ATP2A3: variants seen among roughly 807,000 people sequenced by gnomAD.
ATP2A3 encodes sarcoplasmic/endoplasmic reticulum calcium ATPase 3.
A neutral mutation model predicts 106.8 loss-of-function variants in ATP2A3; 61 were observed. That is an observed-to-expected ratio of 0.57 (90% CI 0.46 to 0.71). The LOEUF (loss-of-function observed/expected upper bound fraction) is 0.71, where lower values mean the gene tolerates loss of function less well. Among genes scored for constraint, ATP2A3 ranks in the 30% least tolerant of loss-of-function variants. The pLI, the probability that ATP2A3 is intolerant of heterozygous loss-of-function variation, is 0.00. For missense variants in ATP2A3, 1,201 were observed against 1,423.5 expected, an observed-to-expected ratio of 0.84 and a Z score of 2.52; for synonymous variants, 611 against 609.3, an observed-to-expected ratio of 1.00 and a Z score of -0.04.
Position 3,925,458 on chromosome 17 carries a change from A to G in ATP2A3, c.2981-17T>C, listed in dbSNP as rs748448976. The G allele has an allele frequency of 3.1e-6, 5 of 1,611,408 alleles. No homozygotes were observed. Among genetic ancestry groups the G allele is most frequent in the Non-Finnish European group, 4.2e-6 (5 of 1,179,090 alleles). On this transcript the variant is annotated splice_polypyrimidine_tract_variant and intron_variant, in intron 20 of 20. Transcript: ENST00000397041. The surrounding 1 kb of genome is among the most constrained non-coding windows in gnomAD (Gnocchi z 4.2). ...TCATTTCTTCTGGAAGAAAAACCCA[A>G]GAGCGCGTTAAGATGTATGTGTAAG... is the stretch of plus-strand genomic sequence containing the variant.
intron 15 of ATP2A3, 185 bp downstream of exon 15, chr17:3,937,231 G>A (rs866328071): frequency 7.1e-6 from 5 of 707,758 alleles, no homozygotes; most frequent in Admixed American, 6.9e-5. Flanking sequence ...GGTCACCAGG[G>A]CCTCTGGAGA....
intron 12 of ATP2A3, 143 bp downstream of exon 12, chr17:3,942,463 A>C: frequency 9.7e-6 from 12 of 1,240,024 alleles, no homozygotes; most frequent in East Asian, 5.6e-5. Flanking sequence ...CCCCTACACC[A>C]CCGGTTAGAG....
Position 3,936,507 on chromosome 17 carries a change from A to T in ATP2A3, c.2322-38T>A, listed in dbSNP as rs926948333. 3.1e-6 allele frequency: 5 copies of T among 1,607,004 alleles called. No homozygotes were observed. In the African/African-American group the frequency reaches 6.7e-5, roughly 21 times the overall value. ...CATGAGCTCTAGCCCCGGTAGGCCTAGCCCCCGGCAGATGCAGGCTCCAGC... is the reference window on the plus strand; with the variant it reads ...CATGAGCTCTAGCCCCGGTAGGCCTTGCCCCCGGCAGATGCAGGCTCCAGC... On this transcript the variant is annotated intron_variant, in intron 15 of 20. Transcript: ENST00000397041. The surrounding 1 kb of genome is among the most constrained non-coding windows in gnomAD (Gnocchi z 5.4).
At chr17:3,945,628 G>T (rs368895557) in intron 8 of ATP2A3, among the ~76,000 whole-genome samples, 16 of 152,344 alleles carry the variant, frequency 1.1e-4, no homozygotes, top group African/African-American at 3.6e-4. Context: ...CTAGCCCAGA[G>T]ATGTCCCCAG....
At chr17:3,949,283 TGCTGGCCTCAGGCTACTGCGGGGCA>T (rs2054286830) in intron 7 of ATP2A3, among the ~76,000 whole-genome samples, 1 of 152,190 alleles carries the variant, frequency 6.6e-6, no homozygotes, top group Non-Finnish European at 1.5e-5. Flanking sequence ...AAACGCTCCT[TGCTGGCCTCAGGCTACTGCGGGGCA>T]GCTGTGAGTA....
At chr17:3,959,777 C>T (rs2055037677) in intron 1 of ATP2A3, among the ~76,000 whole-genome samples, 1 of 152,258 alleles carries the variant, frequency 6.6e-6, no homozygotes, top group African/African-American at 2.4e-5. Context: ...GACACCTGAC[C>T]TTGCTCTGCG....
chr17:3,945,290 G>T, intron 8 of ATP2A3, 142 bp from the exon 9 acceptor site: 1 of 689,818 alleles, frequency 1.4e-6, no homozygotes, highest in Non-Finnish European at 2.4e-6. Flanking sequence ...CCACCAGGAG[G>T]GAAATAGAAC....
intron 14 of ATP2A3, among the ~76,000 whole-genome samples, chr17:3,940,043 G>GTTTTTTTTTTTTTTTTTTT (rs1294599615): frequency 1.1e-5 from 1 of 87,618 alleles, no homozygotes; most frequent in Non-Finnish European, 2.1e-5. Flanking sequence ...TTTTTTTTTT[G>GTTTTTTTTTTTTTTTTTTT]TTTTTTGTTT....
Position 3,943,364 on chromosome 17 carries a change from G to A in ATP2A3, c.1419+27C>T, listed in dbSNP as rs556580285. ...CCCAGAAGCCCCAGCCATGCAGCCGGAGGCCTGAGCCCCCAGCCCTGCTCA... is the reference window on the plus strand; with the variant it reads ...CCCAGAAGCCCCAGCCATGCAGCCGAAGGCCTGAGCCCCCAGCCCTGCTCA... On this transcript the variant is annotated intron_variant, in intron 11 of 20. Transcript: ENST00000397041. 1.4e-4 allele frequency: 218 copies of A among 1,612,546 alleles called. 3 individuals carry two copies. In the East Asian group the frequency reaches 2.4e-3, roughly 18 times the overall value.
At position 3,930,210 on chromosome 17, in the gene ATP2A3, T is replaced by A; in HGVS notation, c.2744+91A>T. The A allele has an allele frequency of 7.1e-6, 9 of 1,260,276 alleles. No homozygotes were observed. Among genetic ancestry groups the A allele is most frequent in the Non-Finnish European group, 7.3e-6 (7 of 962,408 alleles). The allele number at this position is 1,260,276 out of a possible 1,614,324, so 78.1% of individuals were successfully genotyped here. On this transcript the variant is annotated intron_variant, in intron 18 of 20. Transcript: ENST00000397041. The surrounding 1 kb of genome is among the most constrained non-coding windows in gnomAD (Gnocchi z 5.4). ...CTCCAGGCCCTGCGCCCAGCCCACC[T>A]GGACCCCTGACCCTCAGACACTGAT... is the stretch of plus-strand genomic sequence containing the variant.
chr17:3,944,933 G>GC, intron 9 of ATP2A3, 127 bp from the exon 10 acceptor site: 1 of 1,329,684 alleles, frequency 7.5e-7, no homozygotes. Flanking sequence ...CCGCCTCCTG[G>GC]CCCCGCCCCG....
intron 17 of ATP2A3, among the ~76,000 whole-genome samples, chr17:3,933,654 T>C (rs1006836788): frequency 6.6e-6 from 1 of 151,058 alleles, no homozygotes; most frequent in Non-Finnish European, 1.5e-5. Flanking sequence ...GGGAATCACT[T>C]GAACCCGGGA....
intron 20 of ATP2A3, chr17:3,927,046 T>C (rs3786017): frequency 0.11 from 107,745 of 985,388 alleles, 6,895 homozygotes; most frequent in East Asian, 0.48. Flanking sequence ...AGTGTCAACA[T>C]CTGTGCTCAC....
chr17:3,945,192 C>T (rs1172843432), intron 8 of ATP2A3, 44 bp from the exon 9 acceptor site: 1 of 1,522,176 alleles, frequency 6.6e-7, no homozygotes, highest in East Asian at 2.5e-5. Flanking sequence ...GGTCGCCTCC[C>T]TCCTCCCCGG....
At chr17:3,933,518 A>G (rs1164517107) in intron 17 of ATP2A3, among the ~76,000 whole-genome samples, 1 of 150,784 alleles carries the variant, frequency 6.6e-6, no homozygotes, top group African/African-American at 2.5e-5. Context: ...CGGGCGGATC[A>G]TGAGGTCAGG....
At position 3,927,205 on chromosome 17, in the gene ATP2A3, C is replaced by T. The variant is rs1049844249; in HGVS notation, c.2980+1458G>A. 15 of 985,354 alleles carry T rather than the reference C, an allele frequency of 1.5e-5. No homozygotes were observed. In the Admixed American group the frequency reaches 2.5e-4, roughly 16 times the overall value. 61.0% of individuals were successfully genotyped at this position (985,354 alleles called of 1,614,324 possible). ...GTCCCCTCCCGCTAGGACCCTCCCG[C>T]TCTTTAGGCCTGGGGAATCCTCCAC... On this transcript the variant is annotated intron_variant, in intron 20 of 20. Transcript: ENST00000397041.
Position 3,936,791 on chromosome 17 carries a change from T to A in ATP2A3, c.2322-322A>T. 1 of 418,568 alleles carries A rather than the reference T, an allele frequency of 2.4e-6. No individual in the cohort carries two copies. 25.9% of individuals were successfully genotyped at this position (418,568 alleles called of 1,614,324 possible). Reference sequence around the variant, plus strand: ...AGGGCATGCCCAAGAATCAGACATGTGCAAAAACCTAGCACATGCCACACC... The same window carrying A: ...AGGGCATGCCCAAGAATCAGACATGAGCAAAAACCTAGCACATGCCACACC... On this transcript the variant is annotated intron_variant, in intron 15 of 20. Coordinates refer to ENST00000397041, the MANE Select transcript of ATP2A3 (RefSeq NM_005173.4). The surrounding 1 kb of genome is among the most constrained non-coding windows in gnomAD (Gnocchi z 5.4).
In ATP2A3 at chr17:3,947,333, G is replaced by C; in HGVS notation, c.1095+58C>G. On this transcript the variant is annotated intron_variant, in intron 8 of 20. Transcript: ENST00000397041. This position sits in a 1 kb window ranked among gnomAD's most constrained non-coding sequence, Gnocchi z 7.7. ...GAAAAGGAGGTGGGGGAGAGACCCA[G>C]AGAGGGAGCCCAGCCTGCTCTGCAA... 6.9e-6 allele frequency: 11 copies of C among 1,599,600 alleles called. No homozygotes were observed. The highest frequency in any genetic ancestry group is 1.8e-4 in the Middle Eastern group (1 of 5,440).
At chr17:3,954,103 T>A (rs1371024253) in intron 1 of ATP2A3, among the ~76,000 whole-genome samples, 1 of 152,038 alleles carries the variant, frequency 6.6e-6, no homozygotes, top group Admixed American at 6.6e-5. Flanking sequence ...GCTCCCTGCA[T>A]AGCCCTTCCT....
Sources: gnomAD v4.1 joint callset for allele counts (sites outside exome capture counted in the v4.1 genomes callset) on GRCh38, gnomAD v4.1.1 for gene constraint, Gnocchi (gnomAD v3.1) non-coding constraint, MANE v1.5 for transcripts, NCBI Gene and HGNC (gene_info 2026-07-23, HGNC 2026-07-21) for gene names.